Variants in MAGI2 observed in about 807,000 individuals in gnomAD.
The protein encoded by MAGI2 is membrane-associated guanylate kinase, WW and PDZ domain-containing protein 2.
Under a neutral mutation model 133.3 loss-of-function variants are expected in MAGI2, and 35 were observed. The observed-to-expected ratio is 0.26, with a 90% CI of 0.20 to 0.35. MAGI2 has a LOEUF of 0.35. MAGI2 is among the 10% of genes least tolerant of loss of function. The pLI, the probability that MAGI2 is intolerant of heterozygous loss-of-function variation, is 1.00. For missense variants in MAGI2, 1,636 were observed against 1,863.4 expected, an observed-to-expected ratio of 0.88 and a Z score of 2.25; for synonymous variants, 729 against 710.6, an observed-to-expected ratio of 1.03 and a Z score of -0.41.
At chr7:79,176,258 T>G (rs1826086662) in intron 1 of MAGI2, among the ~76,000 whole-genome samples, 1 of 151,960 alleles carries the variant, frequency 6.6e-6, no homozygotes, top group South Asian at 2.1e-4. Context: ...TTACAGTCAG[T>G]CCCCTTCCTG....
chr7:78,205,046 T>A (rs1829605669), intron 10 of MAGI2, among the ~76,000 whole-genome samples: 1 of 152,204 alleles, frequency 6.6e-6, no homozygotes, highest in Admixed American at 6.5e-5. Flanking sequence ...AGGCAGGAAA[T>A]CCTGGTACTT....
intron 4 of MAGI2, among the ~76,000 whole-genome samples, chr7:78,503,518 T>C (rs1794801423): frequency 1.4e-5 from 2 of 146,700 alleles, no homozygotes; most frequent in Admixed American, 6.9e-5. Flanking sequence ...GATGGTTTTA[T>C]AAGTGTCTGG....
intron 6 of MAGI2, among the ~76,000 whole-genome samples, chr7:78,445,935 A>T (rs951036033): frequency 2.0e-5 from 3 of 151,248 alleles, no homozygotes; most frequent in Admixed American, 6.6e-5. Context: ...TTTTATTTTT[A>T]AAAATATTTT....
chr7:79,236,110 A>G (rs939513713), intron 1 of MAGI2, among the ~76,000 whole-genome samples: 32 of 152,250 alleles, frequency 2.1e-4, no homozygotes, highest in African/African-American at 6.3e-4. Flanking sequence ...TTGGGAATGA[A>G]TAAGTCAGGA....
At chr7:78,797,716 G>T (rs73702976) in intron 2 of MAGI2, among the ~76,000 whole-genome samples, 1,872 of 152,192 alleles carry the variant, frequency 0.012, 40 homozygotes, top group African/African-American at 0.043. Flanking sequence ...TCAGGTATAG[G>T]TTTTATTCAA....
At chr7:79,201,711 A>T (rs1284212949) in intron 1 of MAGI2, among the ~76,000 whole-genome samples, 1 of 151,902 alleles carries the variant, frequency 6.6e-6, no homozygotes, top group African/African-American at 2.4e-5. Flanking sequence ...CCTTTTTAAA[A>T]TATTAGTATT....
chr7:78,704,169 T>A (rs1220711828), intron 2 of MAGI2, among the ~76,000 whole-genome samples: 7 of 152,124 alleles, frequency 4.6e-5, no homozygotes, highest in Non-Finnish European at 1.5e-5. Flanking sequence ...AAACTATGTA[T>A]CTGACAAAGG....
chr7:79,305,593 T>G (rs1837722833), intron 1 of MAGI2, among the ~76,000 whole-genome samples: 1 of 152,138 alleles, frequency 6.6e-6, no homozygotes, highest in African/African-American at 2.4e-5. Context: ...CATATCTTAG[T>G]GTTTACTCTA....
chr7:78,519,654 G>T (rs1463296013), intron 4 of MAGI2, among the ~76,000 whole-genome samples: 1 of 152,124 alleles, frequency 6.6e-6, no homozygotes, highest in Non-Finnish European at 1.5e-5. Context: ...AGGAAATTTG[G>T]CTTTCTAGAT....
At chr7:78,211,649 C>G (rs1563268962) in intron 10 of MAGI2, among the ~76,000 whole-genome samples, 2 of 152,176 alleles carry the variant, frequency 1.3e-5, no homozygotes, top group Non-Finnish European at 2.9e-5. Flanking sequence ...ACTTTACATT[C>G]TATCAATATA....
intron 6 of MAGI2, among the ~76,000 whole-genome samples, chr7:78,402,334 A>ATG (rs1166777366): frequency 2.8e-5 from 1 of 36,032 alleles, no homozygotes; most frequent in African/African-American, 1.4e-4. Flanking sequence ...TAGGGTGTGT[A>ATG]TGTGTGTGTG....
chr7:78,935,774 T>C (rs1464304512), intron 2 of MAGI2, among the ~76,000 whole-genome samples: 2 of 152,100 alleles, frequency 1.3e-5, no homozygotes, highest in Admixed American at 6.6e-5. Flanking sequence ...TCATTGACTC[T>C]CTGTAAACTG....
intron 6 of MAGI2, among the ~76,000 whole-genome samples, chr7:78,443,864 A>G (rs1198223978): frequency 6.6e-6 from 1 of 152,182 alleles, no homozygotes; most frequent in East Asian, 1.9e-4. Flanking sequence ...GAGAGGAAGA[A>G]CATGACCTGT....
At chr7:78,218,695 A>G (rs1434894500) in intron 10 of MAGI2, among the ~76,000 whole-genome samples, 1 of 152,188 alleles carries the variant, frequency 6.6e-6, no homozygotes, top group African/African-American at 2.4e-5. Flanking sequence ...GCATATGACA[A>G]AGGAAGTGTG....
chr7:78,337,437 C>T (rs1486284112), intron 9 of MAGI2, among the ~76,000 whole-genome samples: 2 of 152,188 alleles, frequency 1.3e-5, no homozygotes, highest in African/African-American at 4.8e-5. Context: ...CCCAACTCTA[C>T]CCTTGTTTCT....
At chr7:78,164,707 G>A (rs1309201096) in intron 15 of MAGI2, among the ~76,000 whole-genome samples, 1 of 152,236 alleles carries the variant, frequency 6.6e-6, no homozygotes, top group Non-Finnish European at 1.5e-5. Flanking sequence ...TCCCTTAGGT[G>A]TTAGAGAAAA....
chr7:78,051,536 G>A (rs888058395), intron 21 of MAGI2, among the ~76,000 whole-genome samples: 3 of 152,174 alleles, frequency 2.0e-5, no homozygotes, highest in East Asian at 1.9e-4. Context: ...CAGCCATTGC[G>A]TAGCCATTTC....
At chr7:78,101,513 A>C (rs2151245777) in intron 20 of MAGI2, among the ~76,000 whole-genome samples, 1 of 152,310 alleles carries the variant, frequency 6.6e-6, no homozygotes, top group Non-Finnish European at 1.5e-5. Flanking sequence ...AAAAGAATGA[A>C]ATTGGACCCT....
chr7:78,392,989 C>T (rs1217202550), intron 6 of MAGI2, among the ~76,000 whole-genome samples: 1 of 151,992 alleles, frequency 6.6e-6, no homozygotes, highest in African/African-American at 2.4e-5. Context: ...ATCATTAGTA[C>T]ATAGCACATA....
Sources: gnomAD v4.1 joint callset for allele counts (sites outside exome capture counted in the v4.1 genomes callset) on GRCh38, gnomAD v4.1.1 for gene constraint, MANE v1.5 for transcripts, NCBI Gene and HGNC (gene_info 2026-07-23, HGNC 2026-07-21) for gene names.